Variants in ZNF385D observed in about 807,000 individuals in gnomAD.
The protein encoded by ZNF385D is zinc finger protein 385D.
Under a neutral mutation model 35.8 loss-of-function variants are expected in ZNF385D, and 15 were observed. That is an observed-to-expected ratio of 0.42 (90% CI 0.28 to 0.64). The LOEUF is 0.64. Among genes scored for constraint, ZNF385D ranks in the 30% least tolerant of loss-of-function variants. The pLI, the probability that ZNF385D is intolerant of heterozygous loss-of-function variation, is 0.23. For synonymous variants in ZNF385D, 212 were observed against 186.8 expected, an observed-to-expected ratio of 1.13 and a Z score of -1.10; for missense variants, 474 against 494.6, an observed-to-expected ratio of 0.96 and a Z score of 0.39.
At position 22,272,118 on chromosome 3, in the gene ZNF385D, C is replaced by T. The variant is rs148243263; in HGVS notation, c.106+100332G>A. On this transcript the variant is annotated intron_variant, in intron 2 of 5. Transcript: ENST00000494108. ...TCTCATGCTTCTGAAGAGAAGAAGGCAGTTACTCTTGAGACGACACTCAAG... is the reference window on the plus strand; with the variant it reads ...TCTCATGCTTCTGAAGAGAAGAAGGTAGTTACTCTTGAGACGACACTCAAG... Among the ~76,000 whole-genome samples, 412 of 152,120 alleles carry T rather than the reference C, an allele frequency of 2.7e-3. 1 individual carries two copies. The Middle Eastern group carries it at 0.027, about 10-fold the overall frequency.
intron 3 of ZNF385D, among the ~76,000 whole-genome samples, chr3:21,801,230 C>A (rs1288352143): frequency 6.6e-6 from 1 of 151,992 alleles, no homozygotes; most frequent in African/African-American, 2.4e-5. Flanking sequence ...TTTACTAGTA[C>A]TTTCTTGAGG....
Position 21,420,680 on chromosome 3 carries a change from C to T in ZNF385D, c.*534G>A, listed in dbSNP as rs1031103239. On this transcript the variant is annotated 3_prime_UTR_variant, in exon 8 of 8. Transcript: ENST00000281523. ...ACAGCACTATTGTTTTACAAGACAT[C>T]TACTGTATCTACTTTTGTTGGGATA... is the stretch of plus-strand genomic sequence containing the variant. 1 of 153,194 alleles carries T rather than the reference C, an allele frequency of 6.5e-6. No homozygotes were observed. Among genetic ancestry groups the T allele is most frequent in the Admixed American group, 6.5e-5 (1 of 15,462 alleles). 9.5% of individuals were successfully genotyped at this position (153,194 alleles called of 1,614,324 possible). A position where few individuals can be genotyped will look rare whatever the true frequency, so the allele number is the denominator to read the frequency against.
intron 4 of ZNF385D, among the ~76,000 whole-genome samples, chr3:21,462,353 C>T (rs1703232360): frequency 1.3e-5 from 2 of 152,056 alleles, no homozygotes; most frequent in South Asian, 4.1e-4. Flanking sequence ...CATCATAGAA[C>T]CAACTGAAAG....
chr3:22,246,827 T>C (rs1243587123), intron 2 of ZNF385D, among the ~76,000 whole-genome samples: 3 of 152,164 alleles, frequency 2.0e-5, no homozygotes, highest in African/African-American at 4.8e-5. Flanking sequence ...TAATAACGGC[T>C]CTCCTTCCCT....
intron 2 of ZNF385D, among the ~76,000 whole-genome samples, chr3:22,340,132 G>A (rs1400958931): frequency 6.6e-6 from 1 of 152,106 alleles, no homozygotes; most frequent in Admixed American, 6.5e-5. Flanking sequence ...TGACCTGCTT[G>A]GGGACAAATT....
At chr3:22,255,835 G>C (rs914258096) in intron 2 of ZNF385D, among the ~76,000 whole-genome samples, 3 of 149,948 alleles carry the variant, frequency 2.0e-5, no homozygotes, top group African/African-American at 7.4e-5. Context: ...TACTAATTGT[G>C]ATGGTTAATA....
chr3:21,767,232 G>A lies in ZNF385D; in HGVS notation c.326-102204C>T, dbSNP rs574088712. Among the ~76,000 whole-genome samples, 3 of 152,118 alleles carry A rather than the reference G, an allele frequency of 2.0e-5. No individual in the cohort carries two copies. In the South Asian group the frequency reaches 6.2e-4, roughly 32 times the overall value. On this transcript the variant is annotated intron_variant, in intron 3 of 5. Transcript: ENST00000494108. ...ATAGCCACCTTTAAACAAGACTGAAGCTATACATACGTCTTAGGTTTGTGT... is the reference window on the plus strand; with the variant it reads ...ATAGCCACCTTTAAACAAGACTGAAACTATACATACGTCTTAGGTTTGTGT...
At chr3:22,069,453 G>T (rs1441754529) in intron 3 of ZNF385D, among the ~76,000 whole-genome samples, 1 of 152,110 alleles carries the variant, frequency 6.6e-6, no homozygotes. Flanking sequence ...AACCCCGAGG[G>T]GTGTGAATGT....
At chr3:21,747,167 T>C (rs1049612369) in intron 1 of ZNF385D, among the ~76,000 whole-genome samples, 1 of 151,974 alleles carries the variant, frequency 6.6e-6, no homozygotes, top group African/African-American at 2.4e-5. Flanking sequence ...ATGAAGAGAG[T>C]TGATCCACAA....
At position 21,709,505 on chromosome 3, in the gene ZNF385D, CA is replaced by C. The variant is rs569494343; in HGVS notation, c.22+41389del. Reference sequence around the variant, plus strand: ...TCTATGAAAACAAAACAAAACAAAACAAAACAAGACTCACCTTTTTCTTTAG... The same window carrying C: ...TCTATGAAAACAAAACAAAACAAAACAAACAAGACTCACCTTTTTCTTTAG... On this transcript the variant is annotated intron_variant, in intron 1 of 7. Coordinates refer to ENST00000281523, the MANE Select transcript of ZNF385D (RefSeq NM_024697.3). 3.3e-3 allele frequency among the ~76,000 whole-genome samples: 507 copies of C among 151,972 alleles called. 5 individuals are homozygous for C. The highest frequency in any genetic ancestry group is 0.012 in the African/African-American group (477 of 41,446).
chr3:21,636,354 T>TTATATATGATTATATATATATGATTATA (rs1305042744), intron 2 of ZNF385D, among the ~76,000 whole-genome samples: 1 of 109,800 alleles, frequency 9.1e-6, no homozygotes, highest in Non-Finnish European at 1.9e-5. Context: ...ATATATATGA[T>TTATATATGATTATATATATATGATTATA]TATATATGAT....
intron 2 of ZNF385D, among the ~76,000 whole-genome samples, chr3:22,209,994 TATTTA>T (rs1206560815): frequency 1.3e-5 from 2 of 151,842 alleles, no homozygotes; most frequent in African/African-American, 4.8e-5. Context: ...TATTCAGTTA[TATTTA>T]ATTAATAGTA....
intron 2 of ZNF385D, among the ~76,000 whole-genome samples, chr3:22,175,783 T>C (rs7633439): frequency 4.7e-4 from 71 of 151,298 alleles, no homozygotes; most frequent in African/African-American, 1.6e-3. Context: ...TGTATATAGA[T>C]TTTATGCATC....
intron 2 of ZNF385D, among the ~76,000 whole-genome samples, chr3:22,256,335 C>G (rs1239300593): frequency 6.6e-6 from 1 of 151,212 alleles, no homozygotes; most frequent in Non-Finnish European, 1.5e-5. Context: ...AAAGGTCTCC[C>G]CAAAATATTA....
At chr3:22,138,169 A>T (rs537921597) in intron 3 of ZNF385D, among the ~76,000 whole-genome samples, 1 of 152,240 alleles carries the variant, frequency 6.6e-6, no homozygotes, top group Non-Finnish European at 1.5e-5. Context: ...ATAAAAGAGG[A>T]TACAAACAAA....
intron 2 of ZNF385D, among the ~76,000 whole-genome samples, chr3:22,242,492 C>T (rs939991278): frequency 6.6e-6 from 1 of 150,462 alleles, no homozygotes; most frequent in Non-Finnish European, 1.5e-5. Context: ...TATTTTTCCC[C>T]GAAATCAATA....
chr3:21,436,935 G>C, intron 5 of ZNF385D, 35 bp downstream of exon 5: 1 of 1,587,048 alleles, frequency 6.3e-7, no homozygotes, highest in East Asian at 2.2e-5. Context: ...TAATTGCAGA[G>C]CTGTTGAAAC....
At chr3:22,130,619 C>T (rs1001173836) in intron 3 of ZNF385D, among the ~76,000 whole-genome samples, 2 of 152,184 alleles carry the variant, frequency 1.3e-5, no homozygotes, top group Admixed American at 6.6e-5. Flanking sequence ...GTGAAAACTT[C>T]ACTACATTTT....
intron 3 of ZNF385D, among the ~76,000 whole-genome samples, chr3:21,784,170 T>C (rs1332931777): frequency 6.6e-6 from 1 of 152,144 alleles, no homozygotes; most frequent in Non-Finnish European, 1.5e-5. Context: ...AATAAAACTT[T>C]AAAACCAGCC....
Sources: allele counts gnomAD v4.1 joint callset (sites outside exome capture counted in the v4.1 genomes callset), GRCh38; gene constraint gnomAD v4.1.1; transcripts MANE v1.5; gene names NCBI Gene and HGNC (gene_info 2026-07-23, HGNC 2026-07-21).